Variants in CWF19L2 observed in about 807,000 individuals in gnomAD.
CWF19L2 encodes the protein CWF19 like cell cycle control factor 2, also known as CWF19-like protein 2.
CWF19L2 carries 98 observed loss-of-function variants against 111.7 expected under a neutral mutation model. The ratio of observed to expected loss-of-function variants is 0.88; its 90% CI spans 0.75 to 1.04. The LOEUF is 1.04. CWF19L2 is among the 50% of genes least tolerant of loss of function. CWF19L2 has a pLI of 0.00. For missense variants in CWF19L2, 1,101 were observed against 1,051.4 expected (o/e 1.05, Z -0.65); for synonymous variants, 351 against 342.9 (o/e 1.02, Z -0.26).
chr11:107,443,284 C>T (rs1861657238), intron 3 of CWF19L2, among the ~76,000 whole-genome samples: 1 of 152,026 alleles, frequency 6.6e-6, no homozygotes. Flanking sequence ...AGTACAAGAC[C>T]AGCCTGGCAA....
chr11:107,405,146 A>T (rs1861059189), intron 10 of CWF19L2, among the ~76,000 whole-genome samples: 1 of 152,228 alleles, frequency 6.6e-6, no homozygotes, highest in African/African-American at 2.4e-5. Flanking sequence ...ATGACAGATT[A>T]AAATTCTACG....
At chr11:107,361,033 T>C (rs898464777) in intron 12 of CWF19L2, among the ~76,000 whole-genome samples, 3 of 152,244 alleles carry the variant, frequency 2.0e-5, no homozygotes, top group African/African-American at 4.8e-5. Flanking sequence ...CCTAGATCAA[T>C]GTCCAGAAGA....
intron 12 of CWF19L2, among the ~76,000 whole-genome samples, chr11:107,355,408 T>C (rs1199032366): frequency 3.3e-5 from 3 of 90,462 alleles, no homozygotes; most frequent in South Asian, 3.3e-4. Flanking sequence ...AGAGCGAAAC[T>C]CCGTCTCAAA....
intron 16 of CWF19L2, among the ~76,000 whole-genome samples, chr11:107,330,698 A>AT (rs1282496093): frequency 6.8e-6 from 1 of 146,744 alleles, no homozygotes; most frequent in Non-Finnish European, 1.5e-5. Context: ...ACTTTAAACT[A>AT]TTTCATGACT....
chr11:107,326,893 A>T lies in CWF19L2; in HGVS notation c.*17T>A. ...TGAACGGGATCTGAAGAAAAATTTTAAAATGGAAGGTACACCTCAATAGTT... is the reference window on the plus strand; with the variant it reads ...TGAACGGGATCTGAAGAAAAATTTTTAAATGGAAGGTACACCTCAATAGTT... On this transcript the variant is annotated 3_prime_UTR_variant, in exon 18 of 18. Coordinates refer to ENST00000282251, the MANE Select transcript of CWF19L2 (RefSeq NM_152434.3). The T allele has an allele frequency of 6.4e-7, 1 of 1,561,222 alleles. No individual in the cohort carries two copies. The highest frequency in any genetic ancestry group is 8.6e-7 in the Non-Finnish European group (1 of 1,158,732).
At chr11:107,353,449 TTATTC>T (rs1200347409) in intron 13 of CWF19L2, 70 bp downstream of exon 13, 2 of 1,100,292 alleles carry the variant, frequency 1.8e-6, no homozygotes, top group East Asian at 5.0e-5. Flanking sequence ...AATAATAAAC[TTATTC>T]AAGTTATTCT....
At chr11:107,335,591 G>A (rs1475810855) in intron 15 of CWF19L2, among the ~76,000 whole-genome samples, 2 of 152,022 alleles carry the variant, frequency 1.3e-5, no homozygotes, top group African/African-American at 4.8e-5. Context: ...ACTATAATTT[G>A]TCAATTTGTA....
chr11:107,455,083 A>G (rs1056066598), intron 2 of CWF19L2, among the ~76,000 whole-genome samples: 5 of 152,110 alleles, frequency 3.3e-5, no homozygotes, highest in Non-Finnish European at 7.4e-5. Context: ...GACACTAGAA[A>G]TAAGTTTTAG....
chr11:107,351,867 C>T (rs190140204), intron 13 of CWF19L2, among the ~76,000 whole-genome samples: 18 of 152,280 alleles, frequency 1.2e-4, no homozygotes, highest in African/African-American at 4.1e-4. Flanking sequence ...GTGAAGAAGC[C>T]TATGCTAGCC....
intron 10 of CWF19L2, among the ~76,000 whole-genome samples, chr11:107,397,628 G>A (rs946287647): frequency 6.6e-6 from 1 of 151,638 alleles, no homozygotes; most frequent in Admixed American, 6.6e-5. Context: ...GGGAGTTCTA[G>A]GGCCTCACCC....
intron 12 of CWF19L2, among the ~76,000 whole-genome samples, chr11:107,355,282 G>C (rs1013887767): frequency 6.6e-6 from 1 of 151,954 alleles, no homozygotes; most frequent in Non-Finnish European, 1.5e-5. Context: ...GGGCGTGGTG[G>C]TCCATGCCTA....
intron 12 of CWF19L2, among the ~76,000 whole-genome samples, chr11:107,372,133 T>C (rs537363987): frequency 1.5e-5 from 2 of 135,118 alleles, no homozygotes; most frequent in East Asian, 4.3e-4. Flanking sequence ...TGTTAGTGAC[T>C]ATACTAGATA....
intron 14 of CWF19L2, among the ~76,000 whole-genome samples, chr11:107,337,935 C>A (rs946922928): frequency 5.3e-4 from 81 of 151,956 alleles, no homozygotes; most frequent in African/African-American, 2.0e-3. Flanking sequence ...TCAGTTTCCC[C>A]AAGGTAACAT....
At chr11:107,411,619 AT>A in intron 10 of CWF19L2, among the ~76,000 whole-genome samples, 1 of 152,280 alleles carries the variant, frequency 6.6e-6, no homozygotes, top group East Asian at 1.9e-4. Flanking sequence ...GATTTGCTAA[AT>A]TTACCAAGAG....
At chr11:107,403,786 C>T in intron 10 of CWF19L2, 1 of 877,382 alleles carries the variant, frequency 1.1e-6, no homozygotes, top group Non-Finnish European at 1.9e-6. Flanking sequence ...CTGCAACTTT[C>T]TCCATATCCA....
At position 107,455,682 on chromosome 11, in the gene CWF19L2, A is replaced by C; in HGVS notation, c.200T>G (p.Ile67Ser). ...AGTATTCACCTGTGAGAACTGTTCA[A>C]TTCTCTCATTCACATCAGGTAGCAT... The part of the protein sequence containing the change: ...TWMLPDVNER[I>S]EQFSQEHSVK... Residue 67 changes from isoleucine to serine, a missense_variant, in exon 2 of 18, where the codon ATT becomes AGT. Transcript: ENST00000282251. 1 of 1,545,534 alleles carries C rather than the reference A, an allele frequency of 6.5e-7. No homozygotes were observed. The highest frequency in any genetic ancestry group is 8.8e-7 in the Non-Finnish European group (1 of 1,141,876).
Position 107,429,119 on chromosome 11 carries a change from G to A in CWF19L2, c.1113C>T (p.Pro371=). The A allele has an allele frequency of 6.2e-7, 1 of 1,613,692 alleles. No individual in the cohort carries two copies. The highest frequency in any genetic ancestry group is 8.5e-7 in the Non-Finnish European group (1 of 1,179,806). ...GAAATGACAGTTCTTCATCATCAGAGGGTCTCAAGAATTTAGCTCTCAAAT... is the reference window on the plus strand; with the variant it reads ...GAAATGACAGTTCTTCATCATCAGAAGGTCTCAAGAATTTAGCTCTCAAAT... ...FGNLRAKFLR[P]SDDEELSFHS... The change falls in exon 8 of 18, where the codon CCC becomes CCT. Residue 371 remains proline (P), a synonymous_variant. Transcript: ENST00000282251.
At chr11:107,361,778 T>A (rs1291781829) in intron 12 of CWF19L2, among the ~76,000 whole-genome samples, 3 of 152,196 alleles carry the variant, frequency 2.0e-5, no homozygotes, top group African/African-American at 7.2e-5. Flanking sequence ...AGCTACACTG[T>A]TATGGTGTAT....
chr11:107,444,919 C>T (rs1201182898), intron 3 of CWF19L2, among the ~76,000 whole-genome samples: 1 of 152,172 alleles, frequency 6.6e-6, no homozygotes, highest in Non-Finnish European at 1.5e-5. Flanking sequence ...CTGGCCACTA[C>T]TGATTAGTTC....
Sources: allele counts gnomAD v4.1 joint callset (sites outside exome capture counted in the v4.1 genomes callset), GRCh38; gene constraint gnomAD v4.1.1; transcripts MANE v1.5; gene names NCBI Gene and HGNC (gene_info 2026-07-23, HGNC 2026-07-21).